ANO6: variants seen among roughly 807,000 people sequenced by gnomAD.
The protein encoded by ANO6 is anoctamin 6, also known as anoctamin-6.
A neutral mutation model predicts 117.5 loss-of-function variants in ANO6; 106 were observed. The ratio of observed to expected loss-of-function variants is 0.90; its 90% CI spans 0.77 to 1.06. ANO6 has a LOEUF of 1.06. Among genes scored for constraint, ANO6 ranks in the 50% least tolerant of loss-of-function variants. The probability of loss-of-function intolerance (pLI) is 0.00; values close to 1 mark genes in which losing one functional copy is unlikely to be tolerated. For synonymous variants in ANO6, 367 were observed against 385.1 expected (o/e 0.95, Z 0.55); for missense variants, 955 against 1,121.1 (o/e 0.85, Z 2.12).
chr12:45,424,756 G>A (rs1943458231), intron 19 of ANO6, among the ~76,000 whole-genome samples: 2 of 152,220 alleles, frequency 1.3e-5, no homozygotes, highest in South Asian at 4.1e-4. Flanking sequence ...ACCATGCCTT[G>A]GGTCAGAAGG....
chr12:45,428,078 A>G (rs1482979106), intron 19 of ANO6, among the ~76,000 whole-genome samples: 1 of 152,082 alleles, frequency 6.6e-6, no homozygotes, highest in Non-Finnish European at 1.5e-5. Context: ...TTCACATGAC[A>G]TAGAGTCTCA....
At chr12:45,417,053 CT>C in intron 17 of ANO6, 149 bp downstream of exon 17, 1 of 769,742 alleles carries the variant, frequency 1.3e-6, no homozygotes, top group Non-Finnish European at 2.1e-6. Context: ...TATATAACCA[CT>C]TGTTAAATGT....
rs146377274 is a variant in ANO6 at position 45,427,870 on chromosome 12, T to C, written c.2527-1235T>C. ...AGGAGAATCGCTTGAACCCGGAAGA[T>C]GGAGGTTGCAGTGGGCCAAGATCGC... is the stretch of plus-strand genomic sequence containing the variant. On this transcript the variant is annotated intron_variant, in intron 19 of 19. Coordinates refer to ENST00000320560, the MANE Select transcript of ANO6 (RefSeq NM_001025356.3). 5.9e-3 allele frequency among the ~76,000 whole-genome samples: 804 copies of C among 135,958 alleles called. 4 individuals carry two copies. Among genetic ancestry groups the C allele is most frequent in the South Asian group, 0.03 (132 of 4,366 alleles). 89.2% of individuals were successfully genotyped at this position (135,958 alleles called of 152,430 possible).
intron 16 of ANO6, 104 bp from the exon 17 acceptor site, chr12:45,416,595 T>C: frequency 9.9e-7 from 1 of 1,009,252 alleles, no homozygotes; most frequent in East Asian, 2.5e-5. Flanking sequence ...ATGTGTTTTC[T>C]CTCTGGGATT....
At position 45,323,872 on chromosome 12, in the gene ANO6, TTAC is replaced by T. The variant is rs1249821050; in HGVS notation, c.151-7420_151-7418del. Among the ~76,000 whole-genome samples, 25 of 151,986 alleles carry T rather than the reference TTAC, an allele frequency of 1.6e-4. 1 individual carries two copies. Among genetic ancestry groups the T allele is most frequent in the African/African-American group, 5.8e-4 (24 of 41,394 alleles). On this transcript the variant is annotated intron_variant, in intron 2 of 19. Transcript: ENST00000320560. ...GAGTTTTGTAAGGTTTTTTTTTTAT[TTAC>T]TATCTATAGTCAGCTGAAAACATTT...
chr12:45,236,936 TG>T (rs1404771927), intron 1 of ANO6, among the ~76,000 whole-genome samples: 3 of 152,240 alleles, frequency 2.0e-5, no homozygotes, highest in African/African-American at 7.2e-5. Context: ...TGGTGTGGGT[TG>T]GTATCTCATT....
chr12:45,364,137 A>G (rs939604226), intron 8 of ANO6, among the ~76,000 whole-genome samples: 3 of 152,184 alleles, frequency 2.0e-5, no homozygotes, highest in Admixed American at 1.3e-4. Flanking sequence ...TCTGGCCTCC[A>G]TGGTTTTTAT....
chr12:45,357,817 GT>G (rs1941452992), intron 8 of ANO6, among the ~76,000 whole-genome samples: 1 of 152,130 alleles, frequency 6.6e-6, no homozygotes, highest in African/African-American at 2.4e-5. Flanking sequence ...TTAGTGAGGG[GT>G]TTTGTTTTTT....
At chr12:45,353,032 A>T (rs1281495127) in intron 7 of ANO6, among the ~76,000 whole-genome samples, 2 of 143,258 alleles carry the variant, frequency 1.4e-5, no homozygotes, top group Non-Finnish European at 2.9e-5. Context: ...TAGTTGCATT[A>T]GCTAAGTAGT....
chr12:45,388,709 T>C (rs747081504), intron 11 of ANO6, among the ~76,000 whole-genome samples: 1 of 152,222 alleles, frequency 6.6e-6, no homozygotes, highest in Non-Finnish European at 1.5e-5. Flanking sequence ...CTAGACCAGC[T>C]GCCCCTTTAT....
intron 1 of ANO6, among the ~76,000 whole-genome samples, chr12:45,240,663 T>C (rs992131318): frequency 1.3e-5 from 2 of 152,094 alleles, no homozygotes; most frequent in Non-Finnish European, 2.9e-5. Context: ...CTTTACAATT[T>C]GGCATGTTTT....
intron 18 of ANO6, 142 bp downstream of exon 18, chr12:45,421,415 A>G (rs1169179411): frequency 4.6e-6 from 4 of 877,458 alleles, no homozygotes; most frequent in Admixed American, 2.1e-5. Flanking sequence ...TGTCATTTAA[A>G]TCAAGCTGCT....
intron 15 of ANO6, 41 bp downstream of exon 15, chr12:45,403,577 G>C: frequency 6.6e-7 from 1 of 1,521,946 alleles, no homozygotes; most frequent in Non-Finnish European, 9.1e-7. Flanking sequence ...AAGGACAAGG[G>C]ATAGAACAGC....
chr12:45,230,440 CAT>C (rs935768233), intron 1 of ANO6, among the ~76,000 whole-genome samples: 99 of 148,816 alleles, frequency 6.7e-4, no homozygotes, highest in African/African-American at 2.3e-3. Context: ...AAATATTTAA[CAT>C]ATATAAAATA....
At chr12:45,384,838 A>T (rs1942255292) in intron 10 of ANO6, among the ~76,000 whole-genome samples, 1 of 152,260 alleles carries the variant, frequency 6.6e-6, no homozygotes, top group African/African-American at 2.4e-5. Flanking sequence ...ATAGAGGCTC[A>T]ACGTGGGGTT....
At chr12:45,224,175 G>A (rs912247160) in intron 1 of ANO6, among the ~76,000 whole-genome samples, 5 of 152,124 alleles carry the variant, frequency 3.3e-5, no homozygotes, top group South Asian at 2.1e-4. Context: ...GAGAAAGCAC[G>A]TGACCTTGCC....
In ANO6 at chr12:45,412,147, T is replaced by C. The variant is rs73281590; in HGVS notation, c.2011+2660T>C. Among the ~76,000 whole-genome samples, 652 of 152,338 alleles carry C rather than the reference T, an allele frequency of 4.3e-3. 3 individuals carry two copies. Among genetic ancestry groups the C allele is most frequent in the African/African-American group, 0.015 (617 of 41,580 alleles). On this transcript the variant is annotated intron_variant, in intron 16 of 19. Coordinates refer to ENST00000320560, the MANE Select transcript of ANO6 (RefSeq NM_001025356.3). ...ACCCAAATTGCTTCTCTAAGAGTGT[T>C]CCTGACTCCAAGTACACAGACACAG...
intron 19 of ANO6, among the ~76,000 whole-genome samples, chr12:45,437,884 G>C (rs1362826967): frequency 2.6e-5 from 4 of 152,054 alleles, no homozygotes; most frequent in African/African-American, 9.7e-5. Flanking sequence ...ACTTTTAAGA[G>C]TGTAAAATTG....
chr12:45,366,283 A>G (rs191462372), intron 8 of ANO6, among the ~76,000 whole-genome samples: 1 of 151,944 alleles, frequency 6.6e-6, no homozygotes, highest in African/African-American at 2.4e-5. Flanking sequence ...GAATGTATCA[A>G]TATTTTTCTT....
Sources: gnomAD v4.1 joint callset for allele counts (sites outside exome capture counted in the v4.1 genomes callset) on GRCh38, gnomAD v4.1.1 for gene constraint, MANE v1.5 for transcripts, NCBI Gene and HGNC (gene_info 2026-07-23, HGNC 2026-07-21) for gene names.